NFIX: variants seen among roughly 807,000 people sequenced by gnomAD.
The protein encoded by NFIX is nuclear factor 1 X-type.
A neutral mutation model predicts 53.3 loss-of-function variants in NFIX; 2 were observed. The ratio of observed to expected loss-of-function variants is 0.04; its 90% confidence interval spans 0.02 to 0.12. NFIX has a LOEUF of 0.12. Among genes scored for constraint, NFIX ranks in the 10% least tolerant of loss-of-function variants. The pLI, the probability that NFIX is intolerant of heterozygous loss-of-function variation, is 1.00. For synonymous variants in NFIX, 244 were observed against 289.0 expected, an observed-to-expected ratio of 0.84 and a Z score of 1.58; for missense variants, 310 against 674.5, an observed-to-expected ratio of 0.46 and a Z score of 5.99.
intron 2 of NFIX, among the ~76,000 whole-genome samples, chr19:13,032,208 C>T (rs2013869024): frequency 6.6e-6 from 1 of 152,200 alleles, no homozygotes; most frequent in African/African-American, 2.4e-5. Context: ...GAGGAGTTGG[C>T]TCCCTGGAAC....
rs79733898 is a variant in NFIX, at chr19:13,078,902, C to T, written c.1078+167C>T. ...GGCATGGGAGCCGGCCCCTGCTTCA[C>T]GTAGCACCTCATCGAGGACCAGGCC... is the stretch of plus-strand genomic sequence containing the variant. On this transcript the variant is annotated intron_variant, in intron 7 of 10. Coordinates refer to ENST00000592199, the MANE Select transcript of NFIX (RefSeq NM_001365902.3). This position sits in a 1 kb window ranked among gnomAD's most constrained non-coding sequence, Gnocchi z 4.7. 0.016 allele frequency among the ~76,000 whole-genome samples: 2,411 copies of T among 152,360 alleles called. 34 individuals carry two copies. Among genetic ancestry groups the T allele is most frequent in the African/African-American group, 0.033 (1,362 of 41,576 alleles).
At chr19:13,047,159 G>A (rs1019916243) in intron 2 of NFIX, among the ~76,000 whole-genome samples, 13 of 151,974 alleles carry the variant, frequency 8.6e-5, no homozygotes, top group East Asian at 3.9e-4. Flanking sequence ...GTCTTCCACC[G>A]TGAATGGGAA....
rs57860606 is a variant in NFIX at position 13,075,068 on chromosome 19, TA to T, written c.819-446del. Reference sequence around the variant, plus strand: ...CTGGGTGACAGAGCGAGACTCCATCTAAAAAAAAAAAAAAAAAAAAAGGAAC... The same window carrying T: ...CTGGGTGACAGAGCGAGACTCCATCTAAAAAAAAAAAAAAAAAAAAGGAAC... On this transcript the variant is annotated intron_variant, in intron 5 of 10. Coordinates refer to ENST00000592199, the MANE Select transcript of NFIX (RefSeq NM_001365902.3). Among the ~76,000 whole-genome samples the T allele has an allele frequency of 5.8e-3, 424 of 73,690 alleles. 1 individual carries two copies. Among genetic ancestry groups the T allele is most frequent in the Middle Eastern group, 0.031 (4 of 130 alleles). The allele number at this position is 73,690 out of a possible 152,430, so 48.3% of individuals were successfully genotyped here.
In NFIX at chr19:13,067,963, G is replaced by C. The variant is rs1377204280; in HGVS notation, c.560-5084G>C. 6.6e-6 allele frequency among the ~76,000 whole-genome samples: 1 copy of C among 151,912 alleles called. No individual in the cohort carries two copies. Among genetic ancestry groups the C allele is most frequent in the African/African-American group, 2.4e-5 (1 of 41,324 alleles). ...TTCTAAAAATACAAAAAATTAGCTGGTCCTGGTGACAGGTGCCTGTAGTTC... is the reference window on the plus strand; with the variant it reads ...TTCTAAAAATACAAAAAATTAGCTGCTCCTGGTGACAGGTGCCTGTAGTTC... On this transcript the variant is annotated intron_variant, in intron 2 of 10. Coordinates refer to ENST00000592199, the MANE Select transcript of NFIX (RefSeq NM_001365902.3). This position sits in a 1 kb window ranked among gnomAD's most constrained non-coding sequence, Gnocchi z 4.2.
intron 2 of NFIX, among the ~76,000 whole-genome samples, chr19:13,038,469 C>T (rs1036929365): frequency 6.6e-6 from 1 of 152,152 alleles, no homozygotes; most frequent in African/African-American, 2.4e-5. Context: ...TGGACTCTGC[C>T]ACCCAAAGAA....
intron 1 of NFIX, among the ~76,000 whole-genome samples, chr19:13,023,485 C>T (rs898317050): frequency 5.2e-4 from 79 of 152,128 alleles, no homozygotes; most frequent in African/African-American, 1.9e-3. Flanking sequence ...CTGCCAAAGC[C>T]GAAAGCCTTT....
intron 2 of NFIX, among the ~76,000 whole-genome samples, chr19:13,035,592 T>C (rs1432687441): frequency 2.0e-5 from 3 of 152,092 alleles, no homozygotes; most frequent in African/African-American, 7.2e-5. Flanking sequence ...TCTTTTTAAA[T>C]GATTTGATTT....
Position 13,074,248 on chromosome 19 carries a change from C to T in NFIX, c.818+222C>T, listed in dbSNP as rs186345330. On this transcript the variant is annotated intron_variant, in intron 5 of 10. Transcript: ENST00000592199. ...GGACCCAGCCCTGGGGACACAAACT[C>T]GCACAAGGCATCGCTTTGCCTGGAA... Among the ~76,000 whole-genome samples, 199 of 152,286 alleles carry T rather than the reference C, an allele frequency of 1.3e-3. 1 individual carries two copies. The highest frequency in any genetic ancestry group is 1.2e-3 in the East Asian group (6 of 5,186).
In NFIX at chr19:13,056,573, C is replaced by T. The variant is rs147094521; in HGVS notation, c.560-16474C>T. ...CTTCTAGGATGCTTCATTTGAAATTCGGCCTCCCTGGAGTGGGGTGGGACC... is the reference window on the plus strand; with the variant it reads ...CTTCTAGGATGCTTCATTTGAAATTTGGCCTCCCTGGAGTGGGGTGGGACC... On this transcript the variant is annotated intron_variant, in intron 2 of 10. Transcript: ENST00000592199. Among the ~76,000 whole-genome samples the T allele has an allele frequency of 3.6e-4, 55 of 152,192 alleles. 2 individuals carry two copies. Among genetic ancestry groups the T allele is most frequent in the African/African-American group, 1.2e-3 (49 of 41,532 alleles).
At chr19:13,065,690 C>A (rs1364004252) in intron 2 of NFIX, among the ~76,000 whole-genome samples, 1 of 152,126 alleles carries the variant, frequency 6.6e-6, no homozygotes, top group Admixed American at 6.5e-5. Context: ...GCCTGTCATC[C>A]CTTGGGGAAG....
chr19:13,039,228 C>G (rs7508763), intron 2 of NFIX, among the ~76,000 whole-genome samples: 1 of 144,524 alleles, frequency 6.9e-6, no homozygotes, highest in Non-Finnish European at 1.5e-5. Context: ...ACACCCCCCC[C>G]CACACACACA....
chr19:13,065,824 AC>A (rs1424924489), intron 2 of NFIX, among the ~76,000 whole-genome samples: 3 of 152,160 alleles, frequency 2.0e-5, no homozygotes, highest in Admixed American at 2.0e-4. Flanking sequence ...CAAGCAGAGA[AC>A]GCTGAGTAGC....
At position 12,998,264 on chromosome 19, in the gene NFIX, C is replaced by T. The variant is rs998420453; in HGVS notation, c.27+2400C>T. 5.9e-5 allele frequency among the ~76,000 whole-genome samples: 9 copies of T among 152,092 alleles called. No individual in the cohort carries two copies. Among genetic ancestry groups the T allele is most frequent in the Non-Finnish European group, 1.0e-4 (7 of 67,996 alleles). On this transcript the variant is annotated intron_variant, in intron 1 of 10. Transcript: ENST00000592199. The surrounding 1 kb of genome is among the most constrained non-coding windows in gnomAD (Gnocchi z 4.4). Reference sequence around the variant, plus strand: ...AGTTTTGGCCCCATCTCTGCTCCCCCCTCCACTGGCGTCTCGGACTCTCTC... The same window carrying T: ...AGTTTTGGCCCCATCTCTGCTCCCCTCTCCACTGGCGTCTCGGACTCTCTC...
At chr19:13,015,304 G>A (rs2012598123) in intron 1 of NFIX, among the ~76,000 whole-genome samples, 1 of 151,756 alleles carries the variant, frequency 6.6e-6, no homozygotes, top group Admixed American at 6.6e-5. Context: ...AGTAAATTTA[G>A]TGCTAGTGAA....
chr19:13,018,828 C>T (rs746214266), intron 1 of NFIX, among the ~76,000 whole-genome samples: 8 of 152,224 alleles, frequency 5.3e-5, no homozygotes, highest in Non-Finnish European at 7.3e-5. Flanking sequence ...CTCAGGGTTA[C>T]GAAGCCGGCT....
chr19:13,008,951 G>GC (rs1205754721), intron 1 of NFIX, among the ~76,000 whole-genome samples: 1 of 152,220 alleles, frequency 6.6e-6, no homozygotes, highest in Non-Finnish European at 1.5e-5. Flanking sequence ...GTTCCAGAGA[G>GC]CCTCCCCATC....
At chr19:13,077,076 C>T (rs1033260302) in intron 6 of NFIX, among the ~76,000 whole-genome samples, 20 of 152,136 alleles carry the variant, frequency 1.3e-4, no homozygotes, top group Non-Finnish European at 2.9e-5. Flanking sequence ...TCTTGGGCTA[C>T]ATCCTGGGTC....
In NFIX at chr19:13,060,369, AGAGCCCG is replaced by A. The variant is rs2015998232; in HGVS notation, c.560-12676_560-12670del. On this transcript the variant is annotated intron_variant, in intron 2 of 10. Coordinates refer to ENST00000592199, the MANE Select transcript of NFIX (RefSeq NM_001365902.3). This position sits in a 1 kb window ranked among gnomAD's most constrained non-coding sequence, Gnocchi z 4.3. The stretch of plus-strand genomic sequence containing the variant: ...CCTATATCTGGAACGGGTGAAGGAG[AGAGCCCG>A]GGAGCCTCACTGTGGGTGGGAGGGG... 6.6e-6 allele frequency among the ~76,000 whole-genome samples: 1 copy of A among 152,228 alleles called. No homozygotes were observed. Among genetic ancestry groups the A allele is most frequent in the South Asian group, 2.1e-4 (1 of 4,832 alleles).
intron 2 of NFIX, among the ~76,000 whole-genome samples, chr19:13,069,396 T>C (rs1467818584): frequency 6.6e-6 from 1 of 152,164 alleles, no homozygotes; most frequent in Non-Finnish European, 1.5e-5. Context: ...AGATGAAAGA[T>C]GGAGCCCGGC....
Sources: gnomAD v4.1 joint callset for allele counts (sites outside exome capture counted in the v4.1 genomes callset) on GRCh38, gnomAD v4.1.1 for gene constraint, Gnocchi (gnomAD v3.1) non-coding constraint, MANE v1.5 for transcripts, NCBI Gene and HGNC (gene_info 2026-07-23, HGNC 2026-07-21) for gene names.